Variants in KLHL29 observed in about 807,000 individuals in gnomAD.
The protein encoded by KLHL29 is kelch-like protein 29.
A neutral mutation model predicts 80.4 loss-of-function variants in KLHL29; 21 were observed. The observed-to-expected ratio is 0.26, with a 90% CI of 0.19 to 0.38. The LOEUF is 0.38. Ranked by LOEUF, KLHL29 falls within the 10% of genes least tolerant of loss-of-function variation. The pLI is 1.00. For synonymous variants in KLHL29, 511 were observed against 526.8 expected (o/e 0.97, Z 0.41); for missense variants, 867 against 1,223.9 (o/e 0.71, Z 4.35).
Position 23,536,161 on chromosome 2 carries a change from T to G in KLHL29, c.-45-25991T>G, listed in dbSNP as rs899666010. On this transcript the variant is annotated intron_variant, in intron 2 of 13. Transcript: ENST00000486442. ...CCAGGTCCTTTTGTCAAGACAAAGG[T>G]GGGTGACCACATATCGCGCCACTGG... is the stretch of plus-strand genomic sequence containing the variant. Among the ~76,000 whole-genome samples the G allele has an allele frequency of 5.3e-5, 8 of 152,262 alleles. No homozygotes were observed. The East Asian group carries it at 1.5e-3, about 29-fold the overall frequency.
At chr2:23,547,933 A>G (rs1667018628) in intron 2 of KLHL29, among the ~76,000 whole-genome samples, 1 of 152,158 alleles carries the variant, frequency 6.6e-6, no homozygotes, top group Non-Finnish European at 1.5e-5. Flanking sequence ...GGCCACCAGC[A>G]ATACAGAGGT....
chr2:23,562,286 C>T lies in KLHL29; in HGVS notation c.90C>T (p.Thr30=), dbSNP rs575589483. The change falls in exon 3 of 14, where the codon ACC becomes ACT. Residue 30 remains threonine (T), a synonymous_variant. Transcript: ENST00000486442. The surrounding 1 kb of genome is among the most constrained non-coding windows in gnomAD (Gnocchi z 4.5). ...EWSVNGTHGT[T]SICSVTSGAG... ...GCGTCAACGGGACGCATGGGACCAC[C>T]AGCATCTGCAGTGTCACCTCGGGGG... is the stretch of plus-strand genomic sequence containing the variant. The T allele has an allele frequency of 6.5e-7, 1 of 1,547,670 alleles. No homozygotes were observed. The highest frequency in any genetic ancestry group is 2.0e-5 in the Admixed American group (1 of 50,876).
intron 1 of KLHL29, among the ~76,000 whole-genome samples, chr2:23,459,632 C>T (rs1207249504): frequency 1.3e-5 from 2 of 152,340 alleles, no homozygotes; most frequent in South Asian, 2.1e-4. Context: ...AGCCTGTATG[C>T]GCAGGCACAG....
intron 2 of KLHL29, among the ~76,000 whole-genome samples, chr2:23,554,859 C>T (rs754524304): frequency 2.6e-5 from 4 of 152,172 alleles, no homozygotes; most frequent in African/African-American, 7.2e-5. Flanking sequence ...GCTGCCGATC[C>T]GATCTCCAGC....
At chr2:23,589,150 A>G (rs910837343) in intron 3 of KLHL29, among the ~76,000 whole-genome samples, 8 of 152,250 alleles carry the variant, frequency 5.3e-5, no homozygotes, top group Non-Finnish European at 8.8e-5. Flanking sequence ...AAATGGCTGA[A>G]TTGAGGCAGA....
At chr2:23,567,944 A>C (rs1667630070) in intron 3 of KLHL29, among the ~76,000 whole-genome samples, 2 of 152,252 alleles carry the variant, frequency 1.3e-5, no homozygotes, top group African/African-American at 4.8e-5. Flanking sequence ...TGTGCATGTT[A>C]GTACTGAGCT....
chr2:23,404,375 A>G (rs1028120248), intron 1 of KLHL29, among the ~76,000 whole-genome samples: 3 of 150,884 alleles, frequency 2.0e-5, no homozygotes, highest in African/African-American at 7.5e-5. Context: ...TTGCATTGCT[A>G]AGTTAGACAC....
intron 1 of KLHL29, among the ~76,000 whole-genome samples, chr2:23,427,480 T>C (rs1276788138): frequency 6.6e-6 from 1 of 152,194 alleles, no homozygotes. Flanking sequence ...AACTTTGAGT[T>C]CTCTGTGAGG....
chr2:23,671,830 G>T (rs1226293308), intron 5 of KLHL29: 8 of 152,284 alleles, frequency 5.3e-5, no homozygotes, highest in East Asian at 3.8e-4. Context: ...AGGGCAGCGG[G>T]CTCCCAGGGG....
chr2:23,495,701 C>A (rs566102368), intron 2 of KLHL29, among the ~76,000 whole-genome samples: 1 of 152,168 alleles, frequency 6.6e-6, no homozygotes, highest in Non-Finnish European at 1.5e-5. Context: ...CTCCTGGCAT[C>A]GTGTCAGGGC....
intron 2 of KLHL29, among the ~76,000 whole-genome samples, chr2:23,493,479 A>C (rs1665164456): frequency 6.6e-6 from 1 of 152,208 alleles, no homozygotes; most frequent in Non-Finnish European, 1.5e-5. Context: ...GATGGTGTAC[A>C]TTGTACGATC....
At position 23,695,835 on chromosome 2, in the gene KLHL29, C is replaced by T. The variant is rs7582770; in HGVS notation, c.1741+14C>T. The stretch of plus-strand genomic sequence containing the variant: ...GCCTCTCTGCAGGTATGAAGGGGCA[C>T]GCCCCGAACCTCCCAAGAAGCAGTG... On this transcript the variant is annotated intron_variant, in intron 9 of 13. Transcript: ENST00000486442. The surrounding 1 kb of genome is among the most constrained non-coding windows in gnomAD (Gnocchi z 7.6). The T allele has an allele frequency of 3.2e-4, 490 of 1,542,674 alleles. 1 individual carries two copies. In the African/African-American group the frequency reaches 5.4e-3, roughly 17 times the overall value.
intron 1 of KLHL29, among the ~76,000 whole-genome samples, chr2:23,412,239 C>T (rs1486098060): frequency 6.6e-6 from 1 of 151,846 alleles, no homozygotes; most frequent in African/African-American, 2.4e-5. Flanking sequence ...GGCCAGATCA[C>T]GCCTAATATC....
At chr2:23,450,589 C>G (rs1230902283) in intron 1 of KLHL29, among the ~76,000 whole-genome samples, 1 of 152,060 alleles carries the variant, frequency 6.6e-6, no homozygotes, top group Non-Finnish European at 1.5e-5. Context: ...AATGGACATT[C>G]CTCCCGTTTT....
intron 3 of KLHL29, among the ~76,000 whole-genome samples, chr2:23,584,462 C>T (rs188244237): frequency 3.3e-5 from 5 of 152,320 alleles, no homozygotes; most frequent in Admixed American, 2.6e-4. Context: ...CTCTGCCCAG[C>T]GGTGTTCATG....
intron 1 of KLHL29, among the ~76,000 whole-genome samples, chr2:23,403,726 A>AGAGTGTGTGTGT (rs534136885): frequency 3.3e-4 from 47 of 144,112 alleles, no homozygotes; most frequent in African/African-American, 6.9e-4. Flanking sequence ...AGAGAGAGAG[A>AGAGTGTGTGTGT]GTGTGTGTGT....
intron 3 of KLHL29, among the ~76,000 whole-genome samples, chr2:23,624,389 AC>A (rs1186276213): frequency 1.3e-5 from 2 of 151,530 alleles, no homozygotes; most frequent in African/African-American, 2.4e-5. Flanking sequence ...CATCTCTGCC[AC>A]CCCCCTTCCC....
At chr2:23,415,404 G>A (rs1666959142) in intron 1 of KLHL29, among the ~76,000 whole-genome samples, 2 of 152,290 alleles carry the variant, frequency 1.3e-5, no homozygotes, top group South Asian at 4.1e-4. Flanking sequence ...TTTTAAAAAC[G>A]TTCTTTCTTT....
In KLHL29 at chr2:23,700,777, C is replaced by T. The variant is rs148242652; in HGVS notation, c.2106-2409C>T. On this transcript the variant is annotated intron_variant, in intron 11 of 13. Coordinates refer to ENST00000486442, the MANE Select transcript of KLHL29 (RefSeq NM_052920.2). This position sits in a 1 kb window ranked among gnomAD's most constrained non-coding sequence, Gnocchi z 4.6. Reference sequence around the variant, plus strand: ...CTTGTTCCGGTTGAAGTGCCCTTGACTACAGAGCAGTGGCCTGCTGGAGAT... The same window carrying T: ...CTTGTTCCGGTTGAAGTGCCCTTGATTACAGAGCAGTGGCCTGCTGGAGAT... Among the ~76,000 whole-genome samples the T allele has an allele frequency of 6.6e-6, 1 of 152,218 alleles. No homozygotes were observed. The highest frequency in any genetic ancestry group is 1.9e-4 in the East Asian group (1 of 5,202).
Sources: gnomAD v4.1 joint callset for allele counts (sites outside exome capture counted in the v4.1 genomes callset) on GRCh38, gnomAD v4.1.1 for gene constraint, Gnocchi (gnomAD v3.1) non-coding constraint, MANE v1.5 for transcripts, NCBI Gene and HGNC (gene_info 2026-07-23, HGNC 2026-07-21) for gene names.